Variants in ZNF33A observed in about 807,000 individuals in gnomAD.
ZNF33A encodes the protein brain my041 protein.
In ZNF33A, 9 loss-of-function variants were observed where a neutral mutation model predicts 15.9. The ratio of observed to expected loss-of-function variants is 0.57; its 90% confidence interval spans 0.34 to 0.99. The LOEUF (loss-of-function observed/expected upper bound fraction) is 0.99, where lower values mean the gene tolerates loss of function less well. Among genes scored for constraint, ZNF33A ranks in the 50% least tolerant of loss-of-function variants. The pLI, the probability that ZNF33A is intolerant of heterozygous loss-of-function variation, is 0.02. For synonymous variants in ZNF33A, 294 were observed against 324.2 expected, an observed-to-expected ratio of 0.91 and a Z score of 1.00; for missense variants, 843 against 941.6, an observed-to-expected ratio of 0.90 and a Z score of 1.37.
chr10:38,021,028 CG>C (rs959432525), intron 4 of ZNF33A, among the ~76,000 whole-genome samples: 5 of 152,088 alleles, frequency 3.3e-5, no homozygotes, highest in African/African-American at 1.2e-4. Flanking sequence ...AGTCTTCCTG[CG>C]GGGGGAGTGG....
At chr10:38,052,739 T>C (rs1353930482) in intron 4 of ZNF33A, among the ~76,000 whole-genome samples, 1 of 152,086 alleles carries the variant, frequency 6.6e-6, no homozygotes, top group Non-Finnish European at 1.5e-5. Context: ...AGTAAAAGTT[T>C]GCTGAGACTT....
chr10:38,017,559 C>T (rs1294783362), intron 4 of ZNF33A, 173 bp downstream of exon 4: 1 of 473,016 alleles, frequency 2.1e-6, no homozygotes, highest in African/African-American at 2.0e-5. Flanking sequence ...ATACTACTCA[C>T]AAAAAATTCC....
chr10:38,012,345 A>T lies in ZNF33A; in HGVS notation c.4A>T (p.Asn2Tyr). The change falls in exon 2 of 5, where the codon AAC (asparagine) becomes TAC (tyrosine). Residue 2 changes from asparagine (N) to tyrosine (Y), a missense_variant. Transcript: ENST00000432900. Reference sequence around the variant, plus strand: ...GTCTTTCCAAGAACAGAACAAAATGAACAAGGTAAGTTGTTTATTAATTCC... The same window carrying T: ...GTCTTTCCAAGAACAGAACAAAATGTACAAGGTAAGTTGTTTATTAATTCC... MNKVEQKSQESV... is the reference protein window; with the variant it reads MYKVEQKSQESV... 6.2e-7 allele frequency: 1 copy of T among 1,613,908 alleles called. No homozygotes were observed. The highest frequency in any genetic ancestry group is 1.1e-5 in the South Asian group (1 of 91,066).
intron 4 of ZNF33A, among the ~76,000 whole-genome samples, chr10:38,051,978 TTAATC>T (rs1373044207): frequency 6.6e-6 from 1 of 152,170 alleles, no homozygotes; most frequent in African/African-American, 2.4e-5. Context: ...ATAACTTTCT[TTAATC>T]TGATAAAAGT....
In ZNF33A at chr10:38,054,509, G is replaced by T. The variant is rs542879618; in HGVS notation, c.385G>T (p.Asp129Tyr). 1.8e-5 allele frequency: 29 copies of T among 1,613,180 alleles called. No homozygotes were observed. In the South Asian group the frequency reaches 3.1e-4, roughly 17 times the overall value. ...GDVIGIPFNV[D>Y]VSSFPSRKMF... ...TGTAATAGGAATACCATTTAATGTG[G>T]ATGTAAGTTCTTTTCCTTCCAGAAA... Residue 129 changes from aspartate (D) to tyrosine (Y), a missense_variant, in exon 5 of 5, where the codon GAT (aspartate) becomes TAT (tyrosine). By Grantham distance (160) the Asp-to-Tyr change is radical. Coordinates refer to ENST00000432900, the MANE Select transcript of ZNF33A (RefSeq NM_006954.2).
downstream of ZNF33A, among the ~76,000 whole-genome samples, chr10:38,067,531 TTTG>T (rs1269745041): frequency 6.6e-6 from 1 of 152,192 alleles, no homozygotes; most frequent in Non-Finnish European, 1.5e-5. Flanking sequence ...ATAGGAAGGA[TTTG>T]TTGTGGATTC....
At position 38,056,389 on chromosome 10, in the gene ZNF33A, G is replaced by A; in HGVS notation, c.2265G>A (p.Arg755=). 6.2e-7 allele frequency: 1 copy of A among 1,614,078 alleles called. No individual in the cohort carries two copies. The highest frequency in any genetic ancestry group is 8.5e-7 in the Non-Finnish European group (1 of 1,179,960). ...AGCCCTATGAATGTAACACATGCAG[G>A]AAAACTTTCTCTCAAAAGTCAAATC... ...GEKPYECNTC[R]KTFSQKSNLI... is the part of the protein sequence containing the mutation. Residue 755 remains arginine, a synonymous_variant, in exon 5 of 5, where the codon AGG becomes AGA. Coordinates refer to ENST00000432900, the MANE Select transcript of ZNF33A (RefSeq NM_006954.2).
At position 38,010,784 on chromosome 10, in the gene ZNF33A, G is replaced by A; in HGVS notation, c.-45+1G>A. On this transcript the variant is annotated splice_donor_variant, in intron 1 of 4. Coordinates refer to ENST00000432900, the MANE Select transcript of ZNF33A (RefSeq NM_006954.2). LOFTEE classifies it low-confidence loss of function (5UTR_SPLICE). The stretch of plus-strand genomic sequence containing the variant: ...GAATGCAACCCGACGAGGGAGTGGG[G>A]TAAGCCCCAGTGGGTTGGGCAGGGA... 6.3e-7 allele frequency: 1 copy of A among 1,598,466 alleles called. No individual in the cohort carries two copies. The highest frequency in any genetic ancestry group is 8.5e-7 in the Non-Finnish European group (1 of 1,179,810).
At chr10:38,037,902 CA>C (rs777186578) in intron 4 of ZNF33A, among the ~76,000 whole-genome samples, 45 of 152,128 alleles carry the variant, frequency 3.0e-4, no homozygotes, top group Non-Finnish European at 5.3e-4. Context: ...TTAGTTTCTC[CA>C]AAAAGGCAGA....
intron 4 of ZNF33A, among the ~76,000 whole-genome samples, chr10:38,031,147 A>C (rs1267896474): frequency 6.6e-6 from 1 of 152,216 alleles, no homozygotes; most frequent in Admixed American, 6.5e-5. Context: ...AATAAGGTTG[A>C]TTGAATAAAT....
At chr10:38,065,294 A>G (rs2135797372), downstream of ZNF33A, among the ~76,000 whole-genome samples, 1 of 151,732 alleles carries the variant, frequency 6.6e-6, no homozygotes, top group African/African-American at 2.4e-5. Flanking sequence ...CTGGCCTTGA[A>G]CTCCTGACCT....
intron 2 of ZNF33A, among the ~76,000 whole-genome samples, chr10:38,014,343 T>G (rs896411482): frequency 6.6e-6 from 1 of 152,140 alleles, no homozygotes; most frequent in Non-Finnish European, 1.5e-5. Flanking sequence ...GCCAAATATT[T>G]AATGTCTGAT....
chr10:38,021,426 AGG>A (rs1296972396), intron 4 of ZNF33A, among the ~76,000 whole-genome samples: 1 of 148,118 alleles, frequency 6.8e-6, no homozygotes, highest in South Asian at 2.2e-4. Flanking sequence ...ACTAGCCATG[AGG>A]TCAGGAATTC....
intron 4 of ZNF33A, among the ~76,000 whole-genome samples, chr10:38,029,611 C>T (rs751440359): frequency 6.6e-6 from 1 of 152,082 alleles, no homozygotes; most frequent in Non-Finnish European, 1.5e-5. Context: ...CTGTGTACTC[C>T]ACCATTTGGT....
chr10:38,033,832 C>T (rs1179746014), intron 4 of ZNF33A, among the ~76,000 whole-genome samples: 1 of 151,856 alleles, frequency 6.6e-6, no homozygotes, highest in Non-Finnish European at 1.5e-5. Flanking sequence ...TGTGCCTCAG[C>T]CTCCCGAGTA....
chr10:38,022,657 C>CAA (rs35295191), intron 4 of ZNF33A, among the ~76,000 whole-genome samples: 45,597 of 90,540 alleles, frequency 0.5, 10,865 homozygotes, highest in South Asian at 0.68. Flanking sequence ...AACTCTGTCT[C>CAA]AAAAAAAAAA....
chr10:38,059,499 G>C lies in ZNF33A; in HGVS notation c.*2939G>C, dbSNP rs2066614213. On this transcript the variant is annotated 3_prime_UTR_variant, in exon 5 of 5. Coordinates refer to ENST00000432900, the MANE Select transcript of ZNF33A (RefSeq NM_006954.2). ...CTGACATTAATAAGCAATTACAGCA[G>C]GATTGCAGGATACAGTCCTCAGGTA... is the stretch of plus-strand genomic sequence containing the variant. The C allele has an allele frequency of 1.3e-5, 2 of 152,212 alleles. No homozygotes were observed. The highest frequency in any genetic ancestry group is 6.5e-5 in the Admixed American group (1 of 15,286). The allele number at this position is 152,212 out of a possible 1,614,324, so 9.4% of individuals were successfully genotyped here. A position where few individuals can be genotyped will look rare whatever the true frequency, so the allele number is the denominator to read the frequency against.
chr10:38,010,772 C>G lies in ZNF33A; in HGVS notation c.-56C>G, dbSNP rs765875204. 36 of 1,598,302 alleles carry G rather than the reference C, an allele frequency of 2.3e-5. No individual in the cohort carries two copies. The highest frequency in any genetic ancestry group is 4.5e-5 in the East Asian group (2 of 44,878). ...CTTTTCTATGGCGAATGCAACCCGA[C>G]GAGGGAGTGGGGTAAGCCCCAGTGG... is the stretch of plus-strand genomic sequence containing the variant. On this transcript the variant is annotated 5_prime_UTR_variant, in exon 1 of 5. Transcript: ENST00000432900.
At chr10:38,034,992 T>C (rs565638277) in intron 4 of ZNF33A, among the ~76,000 whole-genome samples, 16 of 152,232 alleles carry the variant, frequency 1.1e-4, no homozygotes, top group African/African-American at 3.4e-4. Context: ...TTTATACTTA[T>C]ATTCTTCAAC....
Sources: allele counts gnomAD v4.1 joint callset (sites outside exome capture counted in the v4.1 genomes callset), GRCh38; gene constraint gnomAD v4.1.1; transcripts MANE v1.5; gene names NCBI Gene and HGNC (gene_info 2026-07-23, HGNC 2026-07-21).